ORC5: variants seen among roughly 807,000 people sequenced by gnomAD.
ORC5 encodes the protein protein phosphatase 1, regulatory subunit 117.
ORC5 carries 39 observed loss-of-function variants against 58.8 expected under a neutral mutation model. The observed-to-expected ratio is 0.66, with a 90% CI of 0.51 to 0.87. The LOEUF (loss-of-function observed/expected upper bound fraction) is 0.87. ORC5 is among the 40% of genes least tolerant of loss of function. The probability of loss-of-function intolerance (pLI) is 0.00; values close to 1 mark genes in which losing one functional copy is unlikely to be tolerated. For missense variants in ORC5, 493 were observed against 506.3 expected (o/e 0.97, Z 0.25); for synonymous variants, 218 against 177.6 (o/e 1.23, Z -1.81).
intron 5 of ORC5, among the ~76,000 whole-genome samples, chr7:104,189,815 T>C (rs1381983586): frequency 6.6e-6 from 1 of 152,218 alleles, no homozygotes; most frequent in Non-Finnish European, 1.5e-5. Context: ...CCTTGAGTTC[T>C]GTGAGCTATT....
chr7:104,154,792 T>C (rs578046034), intron 12 of ORC5, among the ~76,000 whole-genome samples: 1 of 151,986 alleles, frequency 6.6e-6, no homozygotes, highest in Admixed American at 6.6e-5. Flanking sequence ...TAACAACGTC[T>C]CCTCTTTAGA....
At chr7:104,155,965 C>A (rs6975642) in intron 12 of ORC5, among the ~76,000 whole-genome samples, 4 of 151,488 alleles carry the variant, frequency 2.6e-5, no homozygotes, top group African/African-American at 7.3e-5. Context: ...TCTTTAAAAG[C>A]TGACAAATGG....
intron 12 of ORC5, among the ~76,000 whole-genome samples, chr7:104,160,355 A>C (rs1236226542): frequency 6.6e-6 from 1 of 152,142 alleles, no homozygotes; most frequent in Non-Finnish European, 1.5e-5. Context: ...TGCATAGAGA[A>C]AACAAAATGC....
intron 6 of ORC5, among the ~76,000 whole-genome samples, chr7:104,185,941 C>A (rs1000589321): frequency 6.6e-6 from 1 of 151,974 alleles, no homozygotes; most frequent in Non-Finnish European, 1.5e-5. Flanking sequence ...AAAATAATTT[C>A]TTCCTATTCT....
At chr7:104,186,522 T>G (rs1799547096) in intron 6 of ORC5, among the ~76,000 whole-genome samples, 1 of 152,150 alleles carries the variant, frequency 6.6e-6, no homozygotes, top group Non-Finnish European at 1.5e-5. Context: ...CCTAAATGAA[T>G]ATCAAAGTAG....
In ORC5 at chr7:104,171,779, A is replaced by G. The variant is rs116284425; in HGVS notation, c.825-3254T>C. Among the ~76,000 whole-genome samples, 957 of 152,162 alleles carry G rather than the reference A, an allele frequency of 6.3e-3. 14 individuals carry two copies. Among genetic ancestry groups the G allele is most frequent in the African/African-American group, 0.022 (914 of 41,494 alleles). The stretch of plus-strand genomic sequence containing the variant: ...TCAGGTGGTAGGATCACCTGGACCT[A>G]GGGAGGTTGAGGCTGCTATGAGCTG... On this transcript the variant is annotated intron_variant, in intron 8 of 13. Coordinates refer to ENST00000297431, the MANE Select transcript of ORC5 (RefSeq NM_002553.4).
intron 8 of ORC5, among the ~76,000 whole-genome samples, chr7:104,182,611 G>A (rs1799457809): frequency 6.6e-6 from 1 of 151,844 alleles, no homozygotes; most frequent in Admixed American, 6.6e-5. Flanking sequence ...ACCACAAGCT[G>A]TACCCGAATA....
At chr7:104,173,855 TTTTTTTTG>T (rs1799264278) in intron 8 of ORC5, among the ~76,000 whole-genome samples, 1 of 145,240 alleles carries the variant, frequency 6.9e-6, no homozygotes. Context: ...CTTTTTTTTT[TTTTTTTTG>T]AGACGGAGTC....
intron 11 of ORC5, among the ~76,000 whole-genome samples, chr7:104,165,004 T>C (rs1205346863): frequency 6.6e-6 from 1 of 152,186 alleles, no homozygotes; most frequent in Non-Finnish European, 1.5e-5. Context: ...CTTCATCTAC[T>C]AAGTCACTAA....
At chr7:104,194,176 A>C (rs1799743793) in intron 5 of ORC5, among the ~76,000 whole-genome samples, 1 of 148,658 alleles carries the variant, frequency 6.7e-6, no homozygotes, top group South Asian at 2.2e-4. Flanking sequence ...TTTATGGATG[A>C]GAAATTAATG....
At chr7:104,186,570 T>C (rs1307361718) in intron 6 of ORC5, among the ~76,000 whole-genome samples, 2 of 152,128 alleles carry the variant, frequency 1.3e-5, no homozygotes, top group African/African-American at 4.8e-5. Flanking sequence ...CCTATAGAAC[T>C]AGCCTCTGAA....
chr7:104,181,569 A>C (rs1799430931), intron 8 of ORC5, among the ~76,000 whole-genome samples: 1 of 152,006 alleles, frequency 6.6e-6, no homozygotes, highest in African/African-American at 2.4e-5. Flanking sequence ...GCAGATCACG[A>C]GGTCAGGAGA....
rs2115739997 is a variant in ORC5, at chr7:104,133,985, GA to G, written c.1262+2795del. Among the ~76,000 whole-genome samples the G allele has an allele frequency of 6.6e-6, 1 of 152,196 alleles. No individual in the cohort carries two copies. Among genetic ancestry groups the G allele is most frequent in the Non-Finnish European group, 1.5e-5 (1 of 67,984 alleles). ...TTAGGAAGAGGAACCCCATCCTGCT[GA>G]AAAAGGAAAGAAAGAGAAGATGGAC... On this transcript the variant is annotated intron_variant, in intron 13 of 13. Transcript: ENST00000297431. The surrounding 1 kb of genome is among the most constrained non-coding windows in gnomAD (Gnocchi z 4.7).
chr7:104,167,002 C>T (rs1042677743), intron 9 of ORC5, 118 bp from the exon 10 acceptor site: 2 of 600,542 alleles, frequency 3.3e-6, no homozygotes, highest in African/African-American at 3.7e-5. Flanking sequence ...GACCTATTTC[C>T]TTATTTTAAA....
intron 8 of ORC5, among the ~76,000 whole-genome samples, chr7:104,178,921 A>G (rs556190740): frequency 6.6e-6 from 1 of 152,128 alleles, no homozygotes; most frequent in African/African-American, 2.4e-5. Flanking sequence ...GCCAAAAAAA[A>G]GTGTTCTTTA....
In ORC5 at chr7:104,154,806, C is replaced by G. The variant is rs185925970; in HGVS notation, c.1149+6266G>C. 5.3e-5 allele frequency among the ~76,000 whole-genome samples: 8 copies of G among 151,872 alleles called. No homozygotes were observed. In the East Asian group the frequency reaches 1.2e-3, roughly 22 times the overall value. ...TTAACAACGTCTCCTCTTTAGAAAA[C>G]TGAAAACTATATAAATTTACCACAT... On this transcript the variant is annotated intron_variant, in intron 12 of 13. Transcript: ENST00000297431.
chr7:104,188,192 G>GTA (rs1372758658), intron 6 of ORC5, 59 bp downstream of exon 6: 3 of 1,105,480 alleles, frequency 2.7e-6, no homozygotes, highest in South Asian at 3.1e-5. Flanking sequence ...ACACATATAT[G>GTA]TATACACACA....
intron 8 of ORC5, among the ~76,000 whole-genome samples, chr7:104,174,428 G>T (rs559117686): frequency 6.6e-6 from 1 of 152,146 alleles, no homozygotes; most frequent in African/African-American, 2.4e-5. Context: ...AATTCTAAAG[G>T]CATGCCAAAA....
At chr7:104,197,972 C>T (rs1584523631) in intron 3 of ORC5, among the ~76,000 whole-genome samples, 173 bp from the exon 4 acceptor site, 1 of 152,258 alleles carries the variant, frequency 6.6e-6, no homozygotes, top group East Asian at 1.9e-4. Context: ...GCTCTGTCCT[C>T]ATGAATGAAT....
Sources: gnomAD v4.1 joint callset for allele counts (sites outside exome capture counted in the v4.1 genomes callset) on GRCh38, gnomAD v4.1.1 for gene constraint, Gnocchi (gnomAD v3.1) non-coding constraint, MANE v1.5 for transcripts, NCBI Gene and HGNC (gene_info 2026-07-23, HGNC 2026-07-21) for gene names.